Variants in NLGN1 observed in about 807,000 individuals in gnomAD.
The protein encoded by NLGN1 is neuroligin-1.
NLGN1 carries 12 observed loss-of-function variants against 65.5 expected under a neutral mutation model. That is an observed-to-expected ratio of 0.18 (90% confidence interval 0.12 to 0.30). NLGN1 has a LOEUF of 0.30. Ranked by LOEUF, NLGN1 falls within the 10% of genes least tolerant of loss-of-function variation. NLGN1 has a pLI of 1.00. For missense variants in NLGN1, 750 were observed against 1,007.1 expected, an observed-to-expected ratio of 0.74 and a Z score of 3.46; for synonymous variants, 350 against 359.5, an observed-to-expected ratio of 0.97 and a Z score of 0.30.
At chr3:174,107,017 CAGAGAGAGAGAGAGAG>C (rs71162376) in intron 4 of NLGN1, among the ~76,000 whole-genome samples, 63 of 97,688 alleles carry the variant, frequency 6.4e-4, no homozygotes, top group African/African-American at 1.9e-3. Context: ...CACACACACA[CAGAGAGAGAGAGAGAG>C]AGAGAGAGAG....
At chr3:173,936,955 G>C (rs1000699107) in intron 4 of NLGN1, among the ~76,000 whole-genome samples, 2 of 152,008 alleles carry the variant, frequency 1.3e-5, no homozygotes, top group Non-Finnish European at 2.9e-5. Flanking sequence ...AACTAAAGTA[G>C]CATGTAAAAA....
At chr3:173,695,316 T>TA (rs778017499) in intron 3 of NLGN1, among the ~76,000 whole-genome samples, 27 of 152,322 alleles carry the variant, frequency 1.8e-4, no homozygotes, top group Middle Eastern at 3.4e-3. Flanking sequence ...AGTTGTCTTC[T>TA]AAAATCCATT....
At chr3:174,020,830 T>C (rs1727610167) in intron 4 of NLGN1, among the ~76,000 whole-genome samples, 1 of 152,156 alleles carries the variant, frequency 6.6e-6, no homozygotes, top group African/African-American at 2.4e-5. Context: ...AGCAAGTTAG[T>C]ATGTATATTC....
At chr3:174,259,487 G>C (rs1279087019) in intron 4 of NLGN1, among the ~76,000 whole-genome samples, 1 of 149,862 alleles carries the variant, frequency 6.7e-6, no homozygotes, top group Non-Finnish European at 1.5e-5. Flanking sequence ...TCAATTATGT[G>C]TATTAGCAAT....
Position 174,209,883 on chromosome 3 carries a change from G to A in NLGN1, c.647-65432G>A, listed in dbSNP as rs565425375. ...CCTAGCCTCGTGATCCACCCGTCTCGGCCTCCCAAAGTGCTGGGATTACAG... is the reference window on the plus strand; with the variant it reads ...CCTAGCCTCGTGATCCACCCGTCTCAGCCTCCCAAAGTGCTGGGATTACAG... On this transcript the variant is annotated intron_variant, in intron 4 of 6. Transcript: ENST00000457714. Among the ~76,000 whole-genome samples, 5 of 151,504 alleles carry A rather than the reference G, an allele frequency of 3.3e-5. No individual in the cohort carries two copies. In the East Asian group the frequency reaches 5.9e-4, roughly 18 times the overall value.
chr3:173,564,188 G>A (rs1455741660), intron 2 of NLGN1, among the ~76,000 whole-genome samples: 1 of 152,210 alleles, frequency 6.6e-6, no homozygotes. Context: ...CTACTCAAAA[G>A]AAGTTAGCTT....
intron 3 of NLGN1, among the ~76,000 whole-genome samples, chr3:173,776,531 A>C (rs1780324515): frequency 6.6e-6 from 1 of 152,028 alleles, no homozygotes; most frequent in South Asian, 2.1e-4. Flanking sequence ...AACCTAGTAC[A>C]GCTCTGATTA....
At chr3:174,013,611 A>G (rs1482321473) in intron 4 of NLGN1, among the ~76,000 whole-genome samples, 1 of 152,234 alleles carries the variant, frequency 6.6e-6, no homozygotes, top group African/African-American at 2.4e-5. Flanking sequence ...ATCCAAGCGT[A>G]TGTGATGCCT....
chr3:173,854,271 C>T (rs1034908999), intron 4 of NLGN1, among the ~76,000 whole-genome samples: 7 of 151,978 alleles, frequency 4.6e-5, no homozygotes, highest in Non-Finnish European at 1.0e-4. Context: ...ATCATATTTG[C>T]TACCTAAATT....
intron 4 of NLGN1, among the ~76,000 whole-genome samples, chr3:174,035,296 G>C (rs1012073881): frequency 6.6e-6 from 1 of 152,080 alleles, no homozygotes; most frequent in Non-Finnish European, 1.5e-5. Flanking sequence ...GTGCAAACAG[G>C]AACTCAATAC....
At chr3:174,020,113 A>G (rs1211810564) in intron 4 of NLGN1, among the ~76,000 whole-genome samples, 1 of 152,156 alleles carries the variant, frequency 6.6e-6, no homozygotes, top group Non-Finnish European at 1.5e-5. Flanking sequence ...CTTGTGTAAC[A>G]TAAATTTGTA....
intron 4 of NLGN1, among the ~76,000 whole-genome samples, chr3:173,813,481 T>C (rs1451805643): frequency 1.3e-5 from 2 of 152,172 alleles, no homozygotes; most frequent in South Asian, 2.1e-4. Context: ...TTCATGGAAA[T>C]GGTGGTACCG....
intron 4 of NLGN1, among the ~76,000 whole-genome samples, chr3:173,981,446 G>A (rs1228216305): frequency 1.3e-5 from 2 of 152,238 alleles, no homozygotes; most frequent in African/African-American, 4.8e-5. Context: ...AGCTGGAAGT[G>A]CTGGAAGAGT....
chr3:173,415,568 C>CTGAG (rs72107891), intron 1 of NLGN1, among the ~76,000 whole-genome samples: 43,062 of 151,852 alleles, frequency 0.28, 6,361 homozygotes, highest in Middle Eastern at 0.4. Flanking sequence ...TGCAACCTGG[C>CTGAG]TTTCAGTGTT....
intron 3 of NLGN1, among the ~76,000 whole-genome samples, chr3:173,614,862 T>A (rs2149482736): frequency 6.6e-6 from 1 of 152,298 alleles, no homozygotes; most frequent in Non-Finnish European, 1.5e-5. Flanking sequence ...AAAGGGAGCT[T>A]CTGTTGCCTT....
intron 4 of NLGN1, among the ~76,000 whole-genome samples, chr3:174,064,367 C>T (rs916976578): frequency 2.1e-4 from 32 of 151,762 alleles, no homozygotes; most frequent in African/African-American, 2.9e-4. Context: ...GAAAATAATT[C>T]GGAATATTAG....
At chr3:173,412,327 CA>C (rs1232995934) in intron 1 of NLGN1, among the ~76,000 whole-genome samples, 2 of 151,958 alleles carry the variant, frequency 1.3e-5, no homozygotes, top group African/African-American at 4.8e-5. Flanking sequence ...CACACACACA[CA>C]CACACACACA....
chr3:173,939,717 A>G (rs939701156), intron 4 of NLGN1, among the ~76,000 whole-genome samples: 3 of 152,214 alleles, frequency 2.0e-5, no homozygotes, highest in South Asian at 4.1e-4. Flanking sequence ...CTTTTAATAG[A>G]GAATTCAATG....
intron 3 of NLGN1, among the ~76,000 whole-genome samples, chr3:173,698,360 GTCT>G (rs1766558298): frequency 1.3e-5 from 2 of 152,144 alleles, no homozygotes; most frequent in African/African-American, 2.4e-5. Context: ...CACTCAGGTA[GTCT>G]TCTTTCAAAT....
Sources: gnomAD v4.1 joint callset for allele counts (sites outside exome capture counted in the v4.1 genomes callset) on GRCh38, gnomAD v4.1.1 for gene constraint, MANE v1.5 for transcripts, NCBI Gene and HGNC (gene_info 2026-07-23, HGNC 2026-07-21) for gene names.